METTL15: variants seen among roughly 807,000 people sequenced by gnomAD.
The protein encoded by METTL15 is 12S rRNA N(4)-cytidine methyltransferase METTL15.
In METTL15, 34 loss-of-function variants were observed where a neutral mutation model predicts 38.3. The observed-to-expected ratio is 0.89, with a 90% CI of 0.68 to 1.18. The LOEUF is 1.18. METTL15 is among the 50% of genes most tolerant of loss of function. METTL15 has a pLI of 0.00. For synonymous variants in METTL15, 162 were observed against 170.9 expected, an observed-to-expected ratio of 0.95 and a Z score of 0.41; for missense variants, 438 against 498.4, an observed-to-expected ratio of 0.88 and a Z score of 1.15.
At chr11:28,197,032 T>A (rs986043839) in intron 3 of METTL15, among the ~76,000 whole-genome samples, 3 of 152,006 alleles carry the variant, frequency 2.0e-5, no homozygotes, top group Non-Finnish European at 4.4e-5. Context: ...AAACTATATT[T>A]TTAAAGAGCA....
intron 3 of METTL15, among the ~76,000 whole-genome samples, chr11:28,129,407 C>CTTTTTT (rs71449170): frequency 3.5e-5 from 5 of 143,770 alleles, no homozygotes; most frequent in Non-Finnish European, 4.6e-5. Flanking sequence ...TATAAAATTA[C>CTTTTTT]TTTTTTTTTT....
intron 4 of METTL15, among the ~76,000 whole-genome samples, chr11:28,357,885 A>G (rs1473852711): frequency 1.3e-5 from 2 of 152,148 alleles, no homozygotes; most frequent in Admixed American, 6.5e-5. Context: ...GCAACGAGAG[A>G]AGAACAATGT....
intron 5 of METTL15, among the ~76,000 whole-genome samples, chr11:28,376,481 T>G (rs1199820511): frequency 6.6e-6 from 1 of 152,186 alleles, no homozygotes; most frequent in Non-Finnish European, 1.5e-5. Flanking sequence ...GAGATTAGGA[T>G]TGCAACCCCT....
intron 4 of METTL15, among the ~76,000 whole-genome samples, chr11:28,235,185 A>T (rs1164842273): frequency 2.6e-5 from 4 of 152,056 alleles, no homozygotes; most frequent in Admixed American, 6.6e-5. Flanking sequence ...TGGTACCAGT[A>T]CCATGCTGTT....
In METTL15 at chr11:28,157,190, G is replaced by T. The variant is rs1054987735; in HGVS notation, c.270+43586G>T. ...GGCCTCTCCTACATCCAACAAAGAGGCACAATGCTTTGTAGACCTATTTGC... is the reference window on the plus strand; with the variant it reads ...GGCCTCTCCTACATCCAACAAAGAGTCACAATGCTTTGTAGACCTATTTGC... On this transcript the variant is annotated intron_variant, in intron 3 of 6. Coordinates refer to ENST00000407364, the MANE Select transcript of METTL15 (RefSeq NM_001113528.2). Among the ~76,000 whole-genome samples the T allele has an allele frequency of 3.3e-5, 5 of 152,144 alleles. No individual in the cohort carries two copies. In the South Asian group the frequency reaches 6.2e-4, roughly 19 times the overall value.
At chr11:28,490,382 A>C (rs1270981091) in intron 6 of METTL15, among the ~76,000 whole-genome samples, 4 of 152,152 alleles carry the variant, frequency 2.6e-5, no homozygotes, top group East Asian at 1.9e-4. Flanking sequence ...CCCCAAATCT[A>C]TCTCTTAATA....
intron 6 of METTL15, among the ~76,000 whole-genome samples, chr11:28,318,575 G>C (rs903889549): frequency 1.3e-5 from 2 of 152,144 alleles, no homozygotes; most frequent in African/African-American, 4.8e-5. Flanking sequence ...TTAAAAGTTA[G>C]TTTTCTCTAT....
chr11:28,524,894 G>A (rs911866728), intron 6 of METTL15, among the ~76,000 whole-genome samples: 11 of 152,120 alleles, frequency 7.2e-5, no homozygotes, highest in East Asian at 3.9e-4. Flanking sequence ...TCTTAAAGGC[G>A]GTGTGTCCGG....
At chr11:28,264,312 T>G (rs1047581048) in intron 4 of METTL15, among the ~76,000 whole-genome samples, 1 of 152,180 alleles carries the variant, frequency 6.6e-6, no homozygotes, top group Non-Finnish European at 1.5e-5. Flanking sequence ...ATAATCCTTA[T>G]TGATATTTTA....
chr11:28,378,831 C>T (rs1175900483), intron 5 of METTL15, among the ~76,000 whole-genome samples: 1 of 128,192 alleles, frequency 7.8e-6, no homozygotes, highest in Non-Finnish European at 1.6e-5. Flanking sequence ...TAGTAGAATT[C>T]AGGTGAAGCC....
intron 3 of METTL15, among the ~76,000 whole-genome samples, chr11:28,147,166 A>C (rs1849917062): frequency 6.6e-6 from 1 of 151,850 alleles, no homozygotes; most frequent in African/African-American, 2.4e-5. Flanking sequence ...TATTTTTCTA[A>C]ATCCTTCCAG....
At chr11:28,513,036 G>A (rs1455354112) in intron 6 of METTL15, among the ~76,000 whole-genome samples, 2 of 152,226 alleles carry the variant, frequency 1.3e-5, no homozygotes, top group African/African-American at 4.8e-5. Flanking sequence ...TTGCATGTAA[G>A]TGGACTTGCA....
chr11:28,308,672 G>A (rs1016984046), intron 6 of METTL15, among the ~76,000 whole-genome samples: 1 of 151,928 alleles, frequency 6.6e-6, no homozygotes, highest in African/African-American at 2.4e-5. Context: ...GTCTTTTTTA[G>A]TAATTTTTTG....
intron 3 of METTL15, among the ~76,000 whole-genome samples, chr11:28,172,410 C>G (rs1475080871): frequency 6.6e-6 from 1 of 152,124 alleles, no homozygotes; most frequent in Non-Finnish European, 1.5e-5. Flanking sequence ...AAAAGCATCA[C>G]AGCAGCTATA....
chr11:28,236,704 C>T (rs892947391), intron 4 of METTL15, among the ~76,000 whole-genome samples: 4 of 152,134 alleles, frequency 2.6e-5, no homozygotes, highest in Non-Finnish European at 5.9e-5. Flanking sequence ...TCTCGATGTT[C>T]TTTACATTTT....
At chr11:28,239,515 A>G (rs1373773906) in intron 4 of METTL15, among the ~76,000 whole-genome samples, 2 of 152,228 alleles carry the variant, frequency 1.3e-5, no homozygotes, top group African/African-American at 4.8e-5. Flanking sequence ...CTTGTCTTCC[A>G]GCTTCTGCCA....
chr11:28,133,557 A>C (rs565533042), intron 3 of METTL15, among the ~76,000 whole-genome samples: 1 of 152,316 alleles, frequency 6.6e-6, no homozygotes, highest in South Asian at 2.1e-4. Context: ...TACTGCAAAA[A>C]TGATAGTGTG....
chr11:28,125,209 G>C (rs1335395855), intron 3 of METTL15, among the ~76,000 whole-genome samples: 1 of 151,986 alleles, frequency 6.6e-6, no homozygotes, highest in African/African-American at 2.4e-5. Context: ...GAGTTTAAAG[G>C]CATGATTGAT....
At chr11:28,500,480 T>C (rs1469186331) in intron 6 of METTL15, among the ~76,000 whole-genome samples, 1 of 152,160 alleles carries the variant, frequency 6.6e-6, no homozygotes, top group African/African-American at 2.4e-5. Context: ...TATTCTGCTC[T>C]CTTCAAGTGA....
Sources: gnomAD v4.1 joint callset for allele counts (sites outside exome capture counted in the v4.1 genomes callset) on GRCh38, gnomAD v4.1.1 for gene constraint, MANE v1.5 for transcripts, NCBI Gene and HGNC (gene_info 2026-07-23, HGNC 2026-07-21) for gene names.